DHRSX: variants seen among roughly 807,000 people sequenced by gnomAD.
The protein encoded by DHRSX is dehydrogenase/reductase X-linked, also known as polyprenol dehydrogenase.
DHRSX carries 31 observed loss-of-function variants against 34.0 expected under a neutral mutation model. The ratio of observed to expected loss-of-function variants is 0.91; its 90% CI spans 0.69 to 1.23. The LOEUF (loss-of-function observed/expected upper bound fraction) is 1.23. DHRSX is among the 50% of genes most tolerant of loss of function. The probability of loss-of-function intolerance (pLI) is 0.00; values close to 1 mark genes in which losing one functional copy is unlikely to be tolerated. For synonymous variants in DHRSX, 201 were observed against 183.8 expected, an observed-to-expected ratio of 1.09 and a Z score of -0.76; for missense variants, 414 against 428.1, an observed-to-expected ratio of 0.97 and a Z score of 0.29.
chrX:2,304,358 T>C, intron 3 of DHRSX, among the ~76,000 whole-genome samples: 1 of 151,624 alleles, frequency 6.6e-6, no homozygotes, highest in South Asian at 2.1e-4. Context: ...GATGGATGGA[T>C]GGATAGATGG....
intron 3 of DHRSX, among the ~76,000 whole-genome samples, chrX:2,350,150 G>C (rs2042772276): frequency 4.6e-5 from 7 of 152,166 alleles, no homozygotes; most frequent in Admixed American, 3.3e-4. Context: ...AGGAGTTTGA[G>C]ACCAGCCTGG....
At chrX:2,261,080 C>T (rs1191735395) in intron 5 of DHRSX, among the ~76,000 whole-genome samples, 1 of 151,804 alleles carries the variant, frequency 6.6e-6, no homozygotes, top group Non-Finnish European at 1.5e-5. Flanking sequence ...TGTGGTGGTG[C>T]ATGCCTGTAA....
Position 2,307,385 on chromosome X carries a change from T to G in DHRSX, c.287-15782A>C, listed in dbSNP as rs773340899. Among the ~76,000 whole-genome samples, 4 of 152,018 alleles carry G rather than the reference T, an allele frequency of 2.6e-5. No homozygotes were observed. The East Asian group carries it at 5.8e-4, about 22-fold the overall frequency. ...TTTTGTTCACCGTTTGAGTGACAGG[T>G]TCAACTGAAGCGTGAACCGCAGCAC... is the stretch of plus-strand genomic sequence containing the variant. On this transcript the variant is annotated intron_variant, in intron 3 of 6. Transcript: ENST00000334651.
intron 4 of DHRSX, among the ~76,000 whole-genome samples, chrX:2,271,781 G>A (rs892180451): frequency 6.6e-6 from 1 of 152,166 alleles, no homozygotes; most frequent in Non-Finnish European, 1.5e-5. Flanking sequence ...GGTCATGCCT[G>A]TAATCCTCCC....
At chrX:2,398,257 C>T (rs1354037264) in intron 3 of DHRSX, among the ~76,000 whole-genome samples, 4 of 152,144 alleles carry the variant, frequency 2.6e-5, no homozygotes, top group Non-Finnish European at 4.4e-5. Context: ...CAACTGCAGG[C>T]GGTGATTTGG....
chrX:2,393,562 AC>A (rs1432219531), intron 3 of DHRSX, among the ~76,000 whole-genome samples: 5 of 150,680 alleles, frequency 3.3e-5, no homozygotes, highest in Non-Finnish European at 7.4e-5. Flanking sequence ...TCCGGCGCAC[AC>A]AGGACACCCA....
chrX:2,336,009 TTTTG>T (rs1307783355), intron 3 of DHRSX, among the ~76,000 whole-genome samples: 23 of 151,880 alleles, frequency 1.5e-4, no homozygotes, highest in African/African-American at 4.1e-4. Flanking sequence ...TTGTTTTTGT[TTTTG>T]TTTTTTTGTT....
At chrX:2,350,466 A>T (rs993981435) in intron 3 of DHRSX, among the ~76,000 whole-genome samples, 17 of 152,216 alleles carry the variant, frequency 1.1e-4, no homozygotes, top group African/African-American at 3.9e-4. Context: ...TTAACGTGAA[A>T]TACACCAGAC....
chrX:2,232,267 A>T (rs1338198096), intron 6 of DHRSX, among the ~76,000 whole-genome samples: 3 of 152,104 alleles, frequency 2.0e-5, no homozygotes, highest in Non-Finnish European at 4.4e-5. Flanking sequence ...CTGAATCGAA[A>T]TCACTCTTGT....
At chrX:2,309,542 A>C (rs2042139188) in intron 3 of DHRSX, among the ~76,000 whole-genome samples, 1 of 152,210 alleles carries the variant, frequency 6.6e-6, no homozygotes, top group South Asian at 2.1e-4. Context: ...TCCTAGAATA[A>C]ATGTGATAAG....
At chrX:2,266,610 C>G in intron 5 of DHRSX, 130 bp downstream of exon 5, 1 of 918,626 alleles carries the variant, frequency 1.1e-6, no homozygotes, top group Non-Finnish European at 1.8e-6. Context: ...TCGGCAGACG[C>G]AGGGAGCACT....
intron 3 of DHRSX, among the ~76,000 whole-genome samples, chrX:2,398,917 A>C (rs1396322090): frequency 6.6e-6 from 1 of 151,884 alleles, no homozygotes; most frequent in South Asian, 2.1e-4. Flanking sequence ...CAGTGGCGCG[A>C]TCTCGGCTCA....
Position 2,494,879 on chromosome X carries a change from T to C in DHRSX, c.109+5938A>G, listed in dbSNP as rs754405861. On this transcript the variant is annotated intron_variant, in intron 1 of 6. Coordinates refer to ENST00000334651, the MANE Select transcript of DHRSX (RefSeq NM_145177.3). ...GTTGGTCTGAAAGAGGTCCTGGTAC[T>C]GTGAACAAAGGTTTATATTCTATTA... Among the ~76,000 whole-genome samples, 168 of 151,988 alleles carry C rather than the reference T, an allele frequency of 1.1e-3. 1 individual carries two copies. The highest frequency in any genetic ancestry group is 3.9e-3 in the African/African-American group (160 of 41,502).
chrX:2,367,243 G>T (rs1006312307), intron 3 of DHRSX, among the ~76,000 whole-genome samples: 1 of 151,880 alleles, frequency 6.6e-6, no homozygotes, highest in Admixed American at 6.6e-5. Flanking sequence ...TTCAAGACCA[G>T]CCTGACCAAC....
intron 3 of DHRSX, among the ~76,000 whole-genome samples, chrX:2,359,087 A>C (rs2042894456): frequency 6.6e-6 from 1 of 152,218 alleles, no homozygotes; most frequent in South Asian, 2.1e-4. Flanking sequence ...TATTACTAAA[A>C]CATCAAAAAA....
chrX:2,468,910 G>C lies in DHRSX; in HGVS notation c.109+31907C>G, dbSNP rs187261501. ...TCCCTAGCAATAAGGCCAAGTGACC[G>C]CTGCCGTTGCACACTGAAGACGTTC... On this transcript the variant is annotated intron_variant, in intron 1 of 6. Transcript: ENST00000334651. Among the ~76,000 whole-genome samples the C allele has an allele frequency of 5.2e-3, 769 of 148,164 alleles. 8 individuals carry two copies. Among genetic ancestry groups the C allele is most frequent in the African/African-American group, 0.018 (715 of 39,710 alleles).
In DHRSX at chrX:2,276,230, T is replaced by C. The variant is rs1196849406; in HGVS notation, c.389-9283A>G. ...TTTGTGGTGACTTCTGAGATTTTGT[T>C]GCACAAGTTTTAATCATCAGCAAAT... On this transcript the variant is annotated intron_variant, in intron 4 of 6. Coordinates refer to ENST00000334651, the MANE Select transcript of DHRSX (RefSeq NM_145177.3). 3.9e-5 allele frequency among the ~76,000 whole-genome samples: 6 copies of C among 152,332 alleles called. No homozygotes were observed. The South Asian group carries it at 6.2e-4, about 16-fold the overall frequency.
chrX:2,440,256 A>G (rs764514549), intron 1 of DHRSX, among the ~76,000 whole-genome samples: 1 of 152,008 alleles, frequency 6.6e-6, no homozygotes, highest in East Asian at 1.9e-4. Flanking sequence ...GCTGGAGTGC[A>G]GTGGGGCAAT....
chrX:2,435,473 A>G (rs2043980759), intron 1 of DHRSX, among the ~76,000 whole-genome samples: 1 of 152,128 alleles, frequency 6.6e-6, no homozygotes, highest in South Asian at 2.1e-4. Context: ...AAAAAAAAAA[A>G]AAAGTCTAGG....
Sources: gnomAD v4.1 joint callset for allele counts (sites outside exome capture counted in the v4.1 genomes callset) on GRCh38, gnomAD v4.1.1 for gene constraint, MANE v1.5 for transcripts, NCBI Gene and HGNC (gene_info 2026-07-23, HGNC 2026-07-21) for gene names.